Variants in NIPBL observed in about 807,000 individuals in gnomAD.
NIPBL encodes nipped-B-like protein.
NIPBL carries 19 observed loss-of-function variants against 321.8 expected under a neutral mutation model. The observed-to-expected ratio is 0.06, with a 90% CI of 0.04 to 0.09. NIPBL has a LOEUF of 0.09. Among genes scored for constraint, NIPBL ranks in the 10% least tolerant of loss-of-function variants. The pLI, the probability that NIPBL is intolerant of heterozygous loss-of-function variation, is 1.00. For synonymous variants in NIPBL, 1,106 were observed against 1,114.1 expected, an observed-to-expected ratio of 0.99 and a Z score of 0.14; for missense variants, 2,210 against 3,327.0, an observed-to-expected ratio of 0.66 and a Z score of 8.26.
rs112320449 is a variant in NIPBL at position 37,014,900 on chromosome 5, T to A, written c.4643+135T>A. On this transcript the variant is annotated intron_variant, in intron 22 of 46. Transcript: ENST00000282516. ...ATCTTCCTGACACTTGGTTTCTTGA[T>A]CTTTAAAATGAGGCAATTGGAGTAT... is the stretch of plus-strand genomic sequence containing the variant. The A allele has an allele frequency of 7.6e-6, 5 of 657,928 alleles. No individual in the cohort carries two copies. The Admixed American group carries it at 1.2e-4, about 16-fold the overall frequency. 40.8% of individuals were successfully genotyped at this position (657,928 alleles called of 1,614,324 possible). A position where few individuals can be genotyped will look rare whatever the true frequency, so the allele number is the denominator to read the frequency against.
At chr5:37,033,281 G>T (rs922445630) in intron 32 of NIPBL, among the ~76,000 whole-genome samples, 1 of 152,042 alleles carries the variant, frequency 6.6e-6, no homozygotes, top group African/African-American at 2.4e-5. Flanking sequence ...ATATGGAAAA[G>T]CAGAGAAAAG....
chr5:37,027,278 T>C, intron 31 of NIPBL, 81 bp from the exon 32 acceptor site: 2 of 1,092,398 alleles, frequency 1.8e-6, no homozygotes, highest in South Asian at 1.3e-5. Context: ...GAAACATGTT[T>C]CAGGCTAAAG....
chr5:36,963,842 A>T (rs952816229), intron 6 of NIPBL, among the ~76,000 whole-genome samples: 1 of 152,140 alleles, frequency 6.6e-6, no homozygotes, highest in Non-Finnish European at 1.5e-5. Context: ...AGTGCCAAAC[A>T]TACATATCTA....
intron 1 of NIPBL, among the ~76,000 whole-genome samples, chr5:36,887,417 A>C (rs1191994764): frequency 6.6e-6 from 1 of 152,208 alleles, no homozygotes; most frequent in Non-Finnish European, 1.5e-5. Flanking sequence ...CCTCTCTTCC[A>C]ATGATTAAAG....
At chr5:36,929,293 CAT>C (rs1194135619) in intron 1 of NIPBL, among the ~76,000 whole-genome samples, 2 of 152,082 alleles carry the variant, frequency 1.3e-5, no homozygotes, top group Admixed American at 6.5e-5. Flanking sequence ...AAGCCATTCA[CAT>C]GTGTTCTTTG....
intron 38 of NIPBL, among the ~76,000 whole-genome samples, chr5:37,047,213 C>G (rs1753071818): frequency 6.6e-6 from 1 of 152,084 alleles, no homozygotes; most frequent in South Asian, 2.1e-4. Context: ...GAGCCAATCC[C>G]CCATGGATAC....
intron 6 of NIPBL, among the ~76,000 whole-genome samples, chr5:36,965,004 C>A (rs1256742004): frequency 6.6e-6 from 1 of 151,928 alleles, no homozygotes; most frequent in Non-Finnish European, 1.5e-5. Context: ...TTAAAATGGC[C>A]TTTTTCAAAA....
intron 42 of NIPBL, among the ~76,000 whole-genome samples, chr5:37,054,631 T>C (rs1322247179): frequency 1.3e-5 from 2 of 152,150 alleles, no homozygotes; most frequent in Non-Finnish European, 2.9e-5. Context: ...ATCTCAGCAT[T>C]TGAAATGCTA....
intron 6 of NIPBL, among the ~76,000 whole-genome samples, chr5:36,966,338 GTTGT>G (rs1318884559): frequency 2.0e-5 from 3 of 152,056 alleles, no homozygotes; most frequent in Non-Finnish European, 4.4e-5. Flanking sequence ...TTCTGCTGGT[GTTGT>G]TTAATTTGTT....
At chr5:36,986,887 G>A (rs1479912602) in intron 10 of NIPBL, among the ~76,000 whole-genome samples, 10 of 152,082 alleles carry the variant, frequency 6.6e-5, no homozygotes, top group African/African-American at 2.2e-4. Flanking sequence ...TGTGGGAGGC[G>A]GGGGACTGGT....
intron 1 of NIPBL, among the ~76,000 whole-genome samples, chr5:36,897,374 A>G (rs1267207766): frequency 6.6e-6 from 1 of 152,104 alleles, no homozygotes; most frequent in Non-Finnish European, 1.5e-5. Context: ...ATTTTTATAT[A>G]TTGATCTTGT....
intron 1 of NIPBL, among the ~76,000 whole-genome samples, chr5:36,930,556 T>C (rs1219946728): frequency 1.3e-5 from 2 of 152,092 alleles, no homozygotes; most frequent in East Asian, 1.9e-4. Context: ...GTTTTTTTCT[T>C]AAAATGTGTT....
intron 34 of NIPBL, among the ~76,000 whole-genome samples, chr5:37,043,650 A>G (rs2149729648): frequency 6.6e-6 from 1 of 152,298 alleles, no homozygotes; most frequent in East Asian, 1.9e-4. Flanking sequence ...TTGAGCTGTG[A>G]TTGTGCCACT....
At chr5:36,894,349 T>G (rs1355159382) in intron 1 of NIPBL, among the ~76,000 whole-genome samples, 2 of 152,146 alleles carry the variant, frequency 1.3e-5, no homozygotes, top group African/African-American at 4.8e-5. Context: ...AAAAACTCTA[T>G]TTATATGAGA....
At position 36,989,804 on chromosome 5, in the gene NIPBL, A is replaced by T. The variant is rs190879122; in HGVS notation, c.3121+3503A>T. Among the ~76,000 whole-genome samples the T allele has an allele frequency of 9.3e-5, 13 of 140,446 alleles. No homozygotes were observed. In the East Asian group the frequency reaches 2.7e-3, roughly 29 times the overall value. 92.1% of individuals were successfully genotyped at this position (140,446 alleles called of 152,430 possible). ...CAGTGAGCTGAGATTGTGCCACTGC[A>T]CTCCAGCCTGGGTGACAGAGCGAGA... On this transcript the variant is annotated intron_variant, in intron 10 of 46. Coordinates refer to ENST00000282516, the MANE Select transcript of NIPBL (RefSeq NM_133433.4).
intron 9 of NIPBL, among the ~76,000 whole-genome samples, chr5:36,981,425 C>T (rs962310576): frequency 1.3e-5 from 2 of 151,580 alleles, no homozygotes; most frequent in East Asian, 1.9e-4. Flanking sequence ...TTTTTCTAGC[C>T]GCTAGGTATT....
intron 38 of NIPBL, among the ~76,000 whole-genome samples, chr5:37,047,857 A>G (rs565482070): frequency 2.0e-5 from 3 of 152,262 alleles, no homozygotes; most frequent in Admixed American, 6.5e-5. Flanking sequence ...AACATGGATG[A>G]TATATTGCTA....
chr5:36,908,760 T>C (rs1220744314), intron 1 of NIPBL, among the ~76,000 whole-genome samples: 2 of 152,134 alleles, frequency 1.3e-5, no homozygotes, highest in African/African-American at 4.8e-5. Flanking sequence ...AAAAGAGAAA[T>C]GGTCTGTACC....
intron 1 of NIPBL, among the ~76,000 whole-genome samples, chr5:36,884,106 A>G (rs1446307126): frequency 6.6e-6 from 1 of 152,092 alleles, no homozygotes; most frequent in Admixed American, 6.5e-5. Context: ...CACATGACAT[A>G]CGCTTTTATT....
Sources: allele counts gnomAD v4.1 joint callset (sites outside exome capture counted in the v4.1 genomes callset), GRCh38; gene constraint gnomAD v4.1.1; transcripts MANE v1.5; gene names NCBI Gene and HGNC (gene_info 2026-07-23, HGNC 2026-07-21).